Variants in SHANK2 observed in about 807,000 individuals in gnomAD.
The protein encoded by SHANK2 is SH3 and multiple ankyrin repeat domains protein 2.
A neutral mutation model predicts 133.7 loss-of-function variants in SHANK2; 43 were observed. The ratio of observed to expected loss-of-function variants is 0.32; its 90% confidence interval spans 0.25 to 0.41. The LOEUF (loss-of-function observed/expected upper bound fraction) is 0.41. SHANK2 is among the 10% of genes least tolerant of loss of function. The pLI is 1.00. For synonymous variants in SHANK2, 1,017 were observed against 952.8 expected, an observed-to-expected ratio of 1.07 and a Z score of -1.24; for missense variants, 1,994 against 2,235.8, an observed-to-expected ratio of 0.89 and a Z score of 2.18.
intron 11 of SHANK2, among the ~76,000 whole-genome samples, chr11:70,847,477 G>A (rs1555063823): frequency 2.0e-5 from 3 of 152,192 alleles, no homozygotes; most frequent in African/African-American, 7.2e-5. Context: ...AAAATAGGGG[G>A]AAATGTGCCT....
At chr11:70,940,735 G>A (rs1157563424) in intron 10 of SHANK2, among the ~76,000 whole-genome samples, 1 of 152,212 alleles carries the variant, frequency 6.6e-6, no homozygotes, top group Non-Finnish European at 1.5e-5. Context: ...GGTTGCTGGA[G>A]GGGGCTTGAA....
rs560718963 is a variant in SHANK2, at chr11:70,756,115, C to T, written c.1777+42328G>A. On this transcript the variant is annotated intron_variant, in intron 14 of 25. Transcript: ENST00000601538. Reference sequence around the variant, plus strand: ...GGTTCAGGGTGACAGCTGCAGCCCCCGTGCGAGCAGGTGCAGGAGACATCC... The same window carrying T: ...GGTTCAGGGTGACAGCTGCAGCCCCTGTGCGAGCAGGTGCAGGAGACATCC... Among the ~76,000 whole-genome samples the T allele has an allele frequency of 4.6e-5, 7 of 152,224 alleles. No homozygotes were observed. In the East Asian group the frequency reaches 9.7e-4, roughly 21 times the overall value.
At chr11:70,750,784 TGC>T (rs1946736668) in intron 14 of SHANK2, among the ~76,000 whole-genome samples, 1 of 152,130 alleles carries the variant, frequency 6.6e-6, no homozygotes, top group Admixed American at 6.5e-5. Context: ...CGAGTGTCTG[TGC>T]ATACGTGGGA....
At chr11:70,822,010 G>A (rs1322910448) in intron 11 of SHANK2, among the ~76,000 whole-genome samples, 3 of 152,308 alleles carry the variant, frequency 2.0e-5, no homozygotes, top group South Asian at 2.1e-4. Context: ...TGGCAGCCAC[G>A]CCGCAGCTGC....
intron 2 of SHANK2, among the ~76,000 whole-genome samples, chr11:71,210,882 T>G (rs1336941366): frequency 2.0e-5 from 3 of 152,184 alleles, no homozygotes; most frequent in African/African-American, 7.2e-5. Context: ...GAGAGTGTGA[T>G]GCAGCGCCGG....
intron 14 of SHANK2, among the ~76,000 whole-genome samples, chr11:70,771,720 C>T (rs1210874): frequency 6.6e-6 from 1 of 152,186 alleles, no homozygotes; most frequent in Non-Finnish European, 1.5e-5. Flanking sequence ...CCAGGAGCAG[C>T]TGGGCTGCCG....
At position 70,609,407 on chromosome 11, in the gene SHANK2, G is replaced by C. The variant is rs367730827; in HGVS notation, c.2061+50421C>G. On this transcript the variant is annotated intron_variant, in intron 17 of 25. Coordinates refer to ENST00000601538, the MANE Select transcript of SHANK2 (RefSeq NM_012309.5). ...GTGAAGAAACCAGCATGGGTCACAG[G>C]AAGCATTCAGAGGTTCCTCAGTAAG... Among the ~76,000 whole-genome samples the C allele has an allele frequency of 3.7e-4, 57 of 152,270 alleles. 1 individual carries two copies. Among genetic ancestry groups the C allele is most frequent in the African/African-American group, 1.3e-3 (54 of 41,564 alleles).
At chr11:70,889,774 C>T (rs543691489) in intron 11 of SHANK2, among the ~76,000 whole-genome samples, 7 of 152,078 alleles carry the variant, frequency 4.6e-5, no homozygotes, top group African/African-American at 1.7e-4. Flanking sequence ...AGATGACAGT[C>T]AGGACCAGGA....
At chr11:70,646,383 G>A (rs960295678) in intron 17 of SHANK2, 3 of 152,208 alleles carry the variant, frequency 2.0e-5, no homozygotes, top group African/African-American at 7.2e-5. Context: ...CCAAGTTCGT[G>A]GTGCATGGTA....
At chr11:71,172,801 T>C (rs1320112443) in intron 2 of SHANK2, among the ~76,000 whole-genome samples, 2 of 152,172 alleles carry the variant, frequency 1.3e-5, no homozygotes, top group African/African-American at 4.8e-5. Context: ...GCCAGGGCAA[T>C]GCCTGCCTCC....
chr11:70,801,422 G>A (rs1215597267), intron 13 of SHANK2, among the ~76,000 whole-genome samples: 1 of 152,190 alleles, frequency 6.6e-6, no homozygotes, highest in Non-Finnish European at 1.5e-5. Context: ...TTCTGGTTGT[G>A]CAAATGGTAC....
intron 17 of SHANK2, among the ~76,000 whole-genome samples, chr11:70,532,919 CAGAA>C (rs56971449): frequency 0.29 from 43,896 of 151,884 alleles, 6,715 homozygotes; most frequent in East Asian, 0.61. Context: ...GCGACACTCA[CAGAA>C]AGGAATGAAA....
intron 15 of SHANK2, among the ~76,000 whole-genome samples, chr11:70,689,128 C>T (rs563459713): frequency 2.6e-5 from 4 of 152,302 alleles, no homozygotes; most frequent in Admixed American, 6.5e-5. Context: ...CAAAGAGATC[C>T]GGAAACCACT....
intron 11 of SHANK2, among the ~76,000 whole-genome samples, chr11:70,868,026 C>A (rs1295456821): frequency 2.6e-5 from 4 of 152,246 alleles, no homozygotes; most frequent in African/African-American, 9.6e-5. Context: ...CGGGTCCACC[C>A]GTGCTGATTA....
chr11:71,159,708 G>T (rs1952972690), intron 2 of SHANK2, among the ~76,000 whole-genome samples: 1 of 152,210 alleles, frequency 6.6e-6, no homozygotes, highest in South Asian at 2.1e-4. Flanking sequence ...CTCAGGCCGG[G>T]CATGGTGGCT....
intron 11 of SHANK2, among the ~76,000 whole-genome samples, chr11:70,841,953 C>T (rs113147364): frequency 3.7e-4 from 56 of 152,274 alleles, no homozygotes; most frequent in African/African-American, 1.0e-3. Context: ...CCTTTACACA[C>T]GGTCCTTGTG....
In SHANK2 at chr11:70,499,466, C is replaced by CGAACTGTTCTCCCTGACAAGGGACTTCT. The variant is rs2059019226; in HGVS notation, c.2308+1076_2308+1103dup. On this transcript the variant is annotated intron_variant, in intron 21 of 25. Transcript: ENST00000601538. The stretch of plus-strand genomic sequence containing the variant: ...CACGGTGGCTCAGCCACCTGAGTCC[C>CGAACTGTTCTCCCTGACAAGGGACTTCT]GAACTGTTCTCCCTGACAAGGGACT... Among the ~76,000 whole-genome samples the CGAACTGTTCTCCCTGACAAGGGACTTCT allele has an allele frequency of 4.6e-5, 7 of 152,316 alleles. No individual in the cohort carries two copies. The South Asian group carries it at 1.4e-3, about 32-fold the overall frequency.
chr11:70,518,620 A>G (rs2059294226), intron 17 of SHANK2, among the ~76,000 whole-genome samples: 1 of 152,118 alleles, frequency 6.6e-6, no homozygotes, highest in African/African-American at 2.4e-5. Context: ...ATCCTGCGGC[A>G]TTGCTTCTAT....
chr11:70,730,959 A>T (rs1360741601), intron 14 of SHANK2, among the ~76,000 whole-genome samples: 1 of 151,826 alleles, frequency 6.6e-6, no homozygotes, highest in African/African-American at 2.4e-5. Context: ...GTTCCAGAAC[A>T]TTTAAATCAC....
Sources: gnomAD v4.1 joint callset for allele counts (sites outside exome capture counted in the v4.1 genomes callset) on GRCh38, gnomAD v4.1.1 for gene constraint, MANE v1.5 for transcripts, NCBI Gene and HGNC (gene_info 2026-07-23, HGNC 2026-07-21) for gene names.